The following MYO18A variants were observed in gnomAD, a reference collection of about 807,000 sequenced individuals.
The protein encoded by MYO18A is myosin XVIIIA, also known as unconventional myosin-XVIIIa.
A neutral mutation model predicts 235.8 loss-of-function variants in MYO18A; 78 were observed. That is an observed-to-expected ratio of 0.33 (90% CI 0.28 to 0.40). The LOEUF is 0.40. Ranked by LOEUF, MYO18A falls within the 10% of genes least tolerant of loss-of-function variation. The pLI is 1.00. For synonymous variants in MYO18A, 977 were observed against 1,077.8 expected (o/e 0.91, Z 1.83); for missense variants, 2,215 against 2,699.3 (o/e 0.82, Z 3.98).
chr17:29,085,561 A>G (rs1343647159), intron 40 of MYO18A, 43 bp downstream of exon 40: 7 of 1,603,746 alleles, frequency 4.4e-6, no homozygotes, highest in Non-Finnish European at 6.0e-6. Context: ...GTGGTTAGAC[A>G]CCCGCGAGGA....
At position 29,097,301 on chromosome 17, in the gene MYO18A, G is replaced by A; in HGVS notation, c.4152C>T (p.Phe1384=). Residue 1384 remains phenylalanine (F), a synonymous_variant, in exon 27 of 42, where the codon TTC becomes TTT. Coordinates refer to ENST00000527372, the MANE Select transcript of MYO18A (RefSeq NM_078471.4). ...KYERAVREVD[F]TKKRLQQEFE... ...ACTCCTGCTGGAGCCGTTTCTTGGT[G>A]AAGTCCACCTCCCGCACAGCCCGCT... 1.2e-6 allele frequency: 2 copies of A among 1,610,986 alleles called. No individual in the cohort carries two copies. Among genetic ancestry groups the A allele is most frequent in the Non-Finnish European group, 1.7e-6 (2 of 1,179,858 alleles).
rs1033243011 is a variant in MYO18A at position 29,073,608 on chromosome 17, G to C, written c.*1162C>G. On this transcript the variant is annotated 3_prime_UTR_variant, in exon 42 of 42. Transcript: ENST00000527372. ...GTACAAACCAATTGCAGGAGAGAAGGGGGGCGGCAGATGGGAGCAGCACCA... is the reference window on the plus strand; with the variant it reads ...GTACAAACCAATTGCAGGAGAGAAGCGGGGCGGCAGATGGGAGCAGCACCA... 8.8e-6 allele frequency: 4 copies of C among 456,684 alleles called. No homozygotes were observed. In the Admixed American group the frequency reaches 1.1e-4, roughly 13 times the overall value. The allele number at this position is 456,684 out of a possible 1,614,324, so 28.3% of individuals were successfully genotyped here.
chr17:29,116,332 G>A (rs1243131776), intron 11 of MYO18A, 112 bp downstream of exon 11: 2 of 1,276,734 alleles, frequency 1.6e-6, no homozygotes, highest in South Asian at 1.2e-5. Context: ...CAACAGTGGG[G>A]AGGCAAAAAA....
In MYO18A at chr17:29,166,333, A is replaced by G; in HGVS notation, c.608T>C (p.Val203Ala). The stretch of plus-strand genomic sequence containing the variant: ...CACCACGGGGGGCAGGCGCAGGTCG[A>G]CTGGGAACTTTTTAGTCACTAGCTC... ...APELVTKKFP[V>A]DLRLPPVVPL... The change falls in exon 2 of 42, where the codon GTC becomes GCC. Residue 203 changes from valine (V) to alanine (A), a missense_variant. Physicochemically the swap from Val to Ala is moderately conservative, Grantham distance 64. Transcript: ENST00000527372. The G allele has an allele frequency of 6.2e-7, 1 of 1,612,624 alleles. No individual in the cohort carries two copies. Among genetic ancestry groups the G allele is most frequent in the Admixed American group, 1.7e-5 (1 of 60,018 alleles).
Position 29,140,626 on chromosome 17 carries a change from G to T in MYO18A, c.1000-18373C>A. ...GGGGTGGGGGGCAGGCAGTGTTAGG[G>T]GGTTAGGGCAAGGACAGGGAGGGTG... On this transcript the variant is annotated intron_variant, in intron 2 of 41. Transcript: ENST00000527372. This position sits in a 1 kb window ranked among gnomAD's most constrained non-coding sequence, Gnocchi z 4.2. The T allele has an allele frequency of 4.7e-6, 1 of 211,792 alleles. No individual in the cohort carries two copies. Among genetic ancestry groups the T allele is most frequent in the South Asian group, 4.6e-5 (1 of 21,532 alleles). The allele number at this position is 211,792 out of a possible 1,614,324, so 13.1% of individuals were successfully genotyped here. A position where few individuals can be genotyped will look rare whatever the true frequency, so the allele number is the denominator to read the frequency against.
chr17:29,143,712 A>G (rs1423040070), intron 2 of MYO18A, among the ~76,000 whole-genome samples: 1 of 152,244 alleles, frequency 6.6e-6, no homozygotes, highest in Non-Finnish European at 1.5e-5. Context: ...ACCAACATAT[A>G]TACCCTGCTT....
At position 29,117,242 on chromosome 17, in the gene MYO18A, C is replaced by T. The variant is rs1353157403; in HGVS notation, c.2039-787G>A. 6.6e-6 allele frequency among the ~76,000 whole-genome samples: 1 copy of T among 152,214 alleles called. No homozygotes were observed. Among genetic ancestry groups the T allele is most frequent in the East Asian group, 1.9e-4 (1 of 5,192 alleles). On this transcript the variant is annotated intron_variant, in intron 10 of 41. Coordinates refer to ENST00000527372, the MANE Select transcript of MYO18A (RefSeq NM_078471.4). The surrounding 1 kb of genome is among the most constrained non-coding windows in gnomAD (Gnocchi z 4.6). ...AGTCATCTTGAAGGATGGAGCAGAG[C>T]TCCTCCAAGCCAGGCCAAGTCCCCG...
intron 41 of MYO18A, chr17:29,076,335 T>TAAAAAAAAAAAA (rs753872637): frequency 9.0e-6 from 1 of 110,716 alleles, no homozygotes; most frequent in Non-Finnish European, 1.8e-5. Flanking sequence ...GACCTGAGAT[T>TAAAAAAAAAAAA]AAAAAAAAAA....
rs2067712108 is a variant in MYO18A at position 29,140,465 on chromosome 17, CT to C, written c.1000-18213del. ...CCAGTTCCCGCCCTCTCCCCGGCCC[CT>C]CCCGTCCCGAGCTGCCCAGCCCTAG... On this transcript the variant is annotated intron_variant, in intron 2 of 41. Transcript: ENST00000527372. This position sits in a 1 kb window ranked among gnomAD's most constrained non-coding sequence, Gnocchi z 4.2. 3 of 1,211,650 alleles carry C rather than the reference CT, an allele frequency of 2.5e-6. No homozygotes were observed. Among genetic ancestry groups the C allele is most frequent in the Non-Finnish European group, 3.2e-6 (3 of 949,836 alleles). 75.1% of individuals were successfully genotyped at this position (1,211,650 alleles called of 1,614,324 possible).
At position 29,097,793 on chromosome 17, in the gene MYO18A, T is replaced by A. The variant is rs778058141; in HGVS notation, c.4097A>T (p.Asp1366Val). ...TCCTTGGGCCTCAGGCCCACCTGCA[T>A]CATCATCATCCACTTCCCCGTTGAT... is the stretch of plus-strand genomic sequence containing the variant. ...AEINGEVDDD[D>V]AGGEWRLKYE... The change falls in exon 26 of 42, where the codon GAT becomes GTT. Residue 1366 changes from aspartate (D) to valine (V), a missense_variant. Physicochemically the swap from Asp to Val is radical, Grantham distance 152. Transcript: ENST00000527372. The A allele has an allele frequency of 1.2e-6, 2 of 1,609,790 alleles. No individual in the cohort carries two copies. The highest frequency in any genetic ancestry group is 2.7e-5 in the African/African-American group (2 of 74,982).
chr17:29,123,265 C>T (rs547457651), intron 2 of MYO18A, among the ~76,000 whole-genome samples: 1 of 152,160 alleles, frequency 6.6e-6, no homozygotes, highest in African/African-American at 2.4e-5. Flanking sequence ...TGTGTGTGGG[C>T]GAAATGGCAG....
In MYO18A at chr17:29,099,645, T is replaced by C. The variant is rs1361415101; in HGVS notation, c.3625A>G (p.Lys1209Glu). The C allele has an allele frequency of 1.8e-5, 29 of 1,613,414 alleles. No homozygotes were observed. Among genetic ancestry groups the C allele is most frequent in the South Asian group, 5.5e-5 (5 of 91,046 alleles). Reference sequence around the variant, plus strand: ...CTCTAGAGCAGCACCTTTCTCTTCTTGAAGTGCTGGCGGGCCAGGTAGCCC... The same window carrying C: ...CTCTAGAGCAGCACCTTTCTCTTCTCGAAGTGCTGGCGGGCCAGGTAGCCC... ...CRGYLARQHF[K>E]KRKIQDLAIR... The change falls in exon 22 of 42, where the codon AAG becomes GAG. Residue 1209 changes from lysine to glutamate, a missense_variant. Transcript: ENST00000527372.
intron 22 of MYO18A, 37 bp from the exon 23 acceptor site, chr17:29,099,006 T>A (rs1324354142): frequency 6.2e-7 from 1 of 1,609,512 alleles, no homozygotes; most frequent in East Asian, 2.2e-5. Context: ...AGCGGGGCTC[T>A]CAGTCACCCT....
intron 1 of MYO18A, among the ~76,000 whole-genome samples, chr17:29,168,113 A>G (rs1684990588): frequency 6.6e-6 from 1 of 150,968 alleles, no homozygotes; most frequent in South Asian, 2.1e-4. Flanking sequence ...GGGTGACCAA[A>G]GTAAAGCAGC....
At chr17:29,136,691 C>T (rs560156002) in intron 2 of MYO18A, among the ~76,000 whole-genome samples, 1 of 152,218 alleles carries the variant, frequency 6.6e-6, no homozygotes, top group Admixed American at 6.5e-5. Flanking sequence ...TGGGGGAACC[C>T]AGACTTGAAC....
chr17:29,074,051 T>A lies in MYO18A; in HGVS notation c.*719A>T. The A allele has an allele frequency of 1.2e-6, 2 of 1,613,940 alleles. No homozygotes were observed. The highest frequency in any genetic ancestry group is 1.7e-6 in the Non-Finnish European group (2 of 1,180,006). ...TGCGGATGGTCCACACACACACTTG[T>A]CTGCGTAGGCTTGCTCAACCCAGCC... On this transcript the variant is annotated 3_prime_UTR_variant, in exon 42 of 42. Coordinates refer to ENST00000527372, the MANE Select transcript of MYO18A (RefSeq NM_078471.4). The surrounding 1 kb of genome is among the most constrained non-coding windows in gnomAD (Gnocchi z 4.4).
At chr17:29,116,120 A>G (rs1435057125) in intron 11 of MYO18A, among the ~76,000 whole-genome samples, 2 of 152,240 alleles carry the variant, frequency 1.3e-5, no homozygotes, top group African/African-American at 4.8e-5. Flanking sequence ...CAGATGGCTC[A>G]GCTCCGGGGA....
chr17:29,124,242 A>C (rs2067266553), intron 2 of MYO18A, among the ~76,000 whole-genome samples: 1 of 152,210 alleles, frequency 6.6e-6, no homozygotes, highest in African/African-American at 2.4e-5. Flanking sequence ...ATTGGCCAGG[A>C]GGTGGAGACA....
At chr17:29,087,861 G>A (rs2066293966) in intron 37 of MYO18A, among the ~76,000 whole-genome samples, 2 of 151,944 alleles carry the variant, frequency 1.3e-5, no homozygotes, top group Middle Eastern at 3.4e-3. Flanking sequence ...GTAGAGGTGC[G>A]GGAAGGGACT....
Sources: allele counts gnomAD v4.1 joint callset (sites outside exome capture counted in the v4.1 genomes callset), GRCh38; gene constraint gnomAD v4.1.1; non-coding constraint Gnocchi (gnomAD v3.1); transcripts MANE v1.5; gene names NCBI Gene and HGNC (gene_info 2026-07-23, HGNC 2026-07-21).